Variants in CSMD1 observed in about 807,000 individuals in gnomAD.
The protein encoded by CSMD1 is CUB and sushi domain-containing protein 1.
Under a neutral mutation model 417.5 loss-of-function variants are expected in CSMD1, and 213 were observed. That is an observed-to-expected ratio of 0.51 (90% CI 0.46 to 0.57). The LOEUF is 0.57. Ranked by LOEUF, CSMD1 falls within the 20% of genes least tolerant of loss-of-function variation. The pLI is 0.00. For missense variants in CSMD1, 6,923 were observed against 4,529.7 expected, an observed-to-expected ratio of 1.53 and a Z score of -15.17; for synonymous variants, 2,862 against 1,736.8, an observed-to-expected ratio of 1.65 and a Z score of -16.11.
At chr8:4,939,806 T>C (rs1342481989) in intron 1 of CSMD1, among the ~76,000 whole-genome samples, 1 of 152,158 alleles carries the variant, frequency 6.6e-6, no homozygotes, top group Non-Finnish European at 1.5e-5. Flanking sequence ...TTAAGTGTTC[T>C]CATCACAAAA....
At chr8:3,562,365 C>CACACACGT (rs1799504402) in intron 10 of CSMD1, among the ~76,000 whole-genome samples, 1 of 152,004 alleles carries the variant, frequency 6.6e-6, no homozygotes, top group Non-Finnish European at 1.5e-5. Context: ...ATGGGACACA[C>CACACACGT]ACACACATGC....
chr8:3,719,877 C>T (rs1802051744), intron 6 of CSMD1, among the ~76,000 whole-genome samples: 1 of 152,122 alleles, frequency 6.6e-6, no homozygotes, highest in East Asian at 1.9e-4. Flanking sequence ...AATCATTGTT[C>T]TGGAACTCAT....
At chr8:3,609,557 T>C (rs923174214) in intron 8 of CSMD1, among the ~76,000 whole-genome samples, 9 of 152,112 alleles carry the variant, frequency 5.9e-5, no homozygotes, top group Non-Finnish European at 1.3e-4. Context: ...AGAATAATAC[T>C]ATAAATGAAA....
intron 10 of CSMD1, among the ~76,000 whole-genome samples, chr8:3,559,866 G>A (rs886220149): frequency 6.6e-6 from 1 of 152,118 alleles, no homozygotes; most frequent in East Asian, 1.9e-4. Context: ...CCCTAGAGTG[G>A]ACACAGTGAG....
chr8:4,341,593 C>T (rs1466262236), intron 3 of CSMD1, among the ~76,000 whole-genome samples: 1 of 152,024 alleles, frequency 6.6e-6, no homozygotes, highest in Non-Finnish European at 1.5e-5. Flanking sequence ...TCTGTGGTTC[C>T]CTGTTTGTCC....
rs545079664 is a variant in CSMD1 at position 4,341,530 on chromosome 8, C to T, written c.415+78423G>A. On this transcript the variant is annotated intron_variant, in intron 3 of 69. Transcript: ENST00000635120. ...ATGTGGCCCTTTCTAGGAAGCAAAC[C>T]CATGGAAACATTATTTTTCCTACAG... Among the ~76,000 whole-genome samples the T allele has an allele frequency of 3.9e-5, 6 of 152,044 alleles. No individual in the cohort carries two copies. The South Asian group carries it at 1.2e-3, about 32-fold the overall frequency.
At chr8:4,565,263 T>G (rs1798535074) in intron 2 of CSMD1, among the ~76,000 whole-genome samples, 1 of 152,228 alleles carries the variant, frequency 6.6e-6, no homozygotes. Context: ...CACAATAGTG[T>G]GCAGAATATT....
intron 1 of CSMD1, among the ~76,000 whole-genome samples, chr8:4,780,262 G>C (rs1404636420): frequency 6.6e-6 from 1 of 152,180 alleles, no homozygotes; most frequent in Non-Finnish European, 1.5e-5. Flanking sequence ...GTGCAGATTG[G>C]CATGCTTTCT....
intron 5 of CSMD1, among the ~76,000 whole-genome samples, chr8:3,760,683 T>C (rs1482906053): frequency 6.6e-6 from 1 of 152,236 alleles, no homozygotes; most frequent in Non-Finnish European, 1.5e-5. Context: ...TTGGAAATGC[T>C]AATGGTTTTG....
intron 6 of CSMD1, among the ~76,000 whole-genome samples, chr8:3,738,607 G>A (rs1208060400): frequency 6.6e-6 from 1 of 152,182 alleles, no homozygotes; most frequent in Non-Finnish European, 1.5e-5. Context: ...TCCTCAGGTG[G>A]CAGCAGTCAC....
chr8:3,964,231 A>G (rs1246513321), intron 5 of CSMD1, among the ~76,000 whole-genome samples: 1 of 152,210 alleles, frequency 6.6e-6, no homozygotes, highest in Non-Finnish European at 1.5e-5. Flanking sequence ...GTGATTTACT[A>G]AATTATACTT....
At chr8:4,347,494 G>A (rs896516450) in intron 3 of CSMD1, among the ~76,000 whole-genome samples, 3 of 152,140 alleles carry the variant, frequency 2.0e-5, no homozygotes, top group African/African-American at 4.8e-5. Flanking sequence ...CAAGACTAAA[G>A]GAGACTAAAT....
intron 3 of CSMD1, among the ~76,000 whole-genome samples, chr8:4,321,832 T>A (rs1466149173): frequency 6.6e-6 from 1 of 152,192 alleles, no homozygotes; most frequent in African/African-American, 2.4e-5. Context: ...GTAGTGTAGT[T>A]ACACTACTTG....
chr8:3,343,511 G>T, intron 22 of CSMD1, 61 bp from the exon 23 acceptor site: 1 of 1,448,870 alleles, frequency 6.9e-7, no homozygotes, highest in Non-Finnish European at 9.5e-7. Context: ...TGTTAGCAAT[G>T]GTAATAAACA....
chr8:3,728,334 C>A (rs62480989), intron 6 of CSMD1, among the ~76,000 whole-genome samples: 2 of 151,980 alleles, frequency 1.3e-5, no homozygotes, highest in African/African-American at 4.8e-5. Context: ...CTCCCAGCCA[C>A]GTGGAACTGG....
chr8:4,037,644 T>C (rs1797688825), intron 3 of CSMD1, among the ~76,000 whole-genome samples: 1 of 152,198 alleles, frequency 6.6e-6, no homozygotes, highest in Admixed American at 6.5e-5. Context: ...TGTGCTTATC[T>C]ACTGAAAATG....
chr8:4,720,650 A>C (rs1362526990), intron 1 of CSMD1, among the ~76,000 whole-genome samples: 1 of 152,144 alleles, frequency 6.6e-6, no homozygotes, highest in Admixed American at 6.5e-5. Flanking sequence ...TCGAATTCCT[A>C]AACTCGATTG....
intron 8 of CSMD1, among the ~76,000 whole-genome samples, chr8:3,616,416 C>T (rs1159045857): frequency 1.3e-5 from 2 of 152,132 alleles, no homozygotes; most frequent in Non-Finnish European, 2.9e-5. Context: ...TTCCTGAGAC[C>T]TCCTCAACCA....
At position 3,304,310 on chromosome 8, in the gene CSMD1, A is replaced by G. The variant is rs1009812741; in HGVS notation, c.3950+3385T>C. On this transcript the variant is annotated intron_variant, in intron 25 of 69. Transcript: ENST00000635120. Reference sequence around the variant, plus strand: ...GACTATGTTACCATTGAAATAAATAAGACTTAGTAACCATGCAAGCTAATA... The same window carrying G: ...GACTATGTTACCATTGAAATAAATAGGACTTAGTAACCATGCAAGCTAATA... Among the ~76,000 whole-genome samples the G allele has an allele frequency of 5.9e-5, 9 of 152,280 alleles. No individual in the cohort carries two copies. The South Asian group carries it at 1.9e-3, about 32-fold the overall frequency.
Sources: gnomAD v4.1 joint callset for allele counts (sites outside exome capture counted in the v4.1 genomes callset) on GRCh38, gnomAD v4.1.1 for gene constraint, MANE v1.5 for transcripts, NCBI Gene and HGNC (gene_info 2026-07-23, HGNC 2026-07-21) for gene names.